IARS2: variants seen among roughly 807,000 people sequenced by gnomAD.
IARS2 encodes isoleucine--tRNA ligase, mitochondrial.
IARS2 carries 56 observed loss-of-function variants against 126.3 expected under a neutral mutation model. That is an observed-to-expected ratio of 0.44 (90% CI 0.36 to 0.55). The LOEUF (loss-of-function observed/expected upper bound fraction) is 0.55, where lower values mean the gene tolerates loss of function less well. IARS2 is among the 20% of genes least tolerant of loss of function. IARS2 has a pLI of 0.00. For synonymous variants in IARS2, 407 were observed against 441.1 expected, an observed-to-expected ratio of 0.92 and a Z score of 0.97; for missense variants, 1,127 against 1,245.9, an observed-to-expected ratio of 0.90 and a Z score of 1.44.
chr1:220,140,393 G>A (rs1213751909), intron 19 of IARS2, 104 bp downstream of exon 19: 1 of 689,208 alleles, frequency 1.5e-6, no homozygotes, highest in South Asian at 1.7e-5. Flanking sequence ...ATGACATGAG[G>A]CCAGGAGTTC....
chr1:220,112,521 C>T (rs765313242), intron 11 of IARS2, among the ~76,000 whole-genome samples: 2 of 150,224 alleles, frequency 1.3e-5, no homozygotes, highest in East Asian at 3.9e-4. Context: ...ATTGTCCCGG[C>T]GATATTTTAG....
chr1:220,144,238 A>G, intron 21 of IARS2: 1 of 768,478 alleles, frequency 1.3e-6, no homozygotes, highest in Non-Finnish European at 2.4e-6. Flanking sequence ...CATCACGGTG[A>G]GAAACAGGAT....
rs138270573 is a variant in IARS2, at chr1:220,146,704, G to A, written c.2897-789G>A. Reference sequence around the variant, plus strand: ...AATTTTTTCTTTCGGACGGAATTTCGCTTGTCACCCAGGCTGGAGTGCAAT... The same window carrying A: ...AATTTTTTCTTTCGGACGGAATTTCACTTGTCACCCAGGCTGGAGTGCAAT... On this transcript the variant is annotated intron_variant, in intron 22 of 22. Transcript: ENST00000366922. Among the ~76,000 whole-genome samples, 1,321 of 152,024 alleles carry A rather than the reference G, an allele frequency of 8.7e-3. 14 individuals carry two copies. Among genetic ancestry groups the A allele is most frequent in the Middle Eastern group, 0.014 (4 of 294 alleles).
At chr1:220,140,156 C>A in intron 18 of IARS2, 27 bp from the exon 19 acceptor site, 1 of 1,371,860 alleles carries the variant, frequency 7.3e-7, no homozygotes, top group Non-Finnish European at 1.0e-6. Flanking sequence ...TCTCAGCTTC[C>A]AAATTTATTT....
intron 13 of IARS2, among the ~76,000 whole-genome samples, chr1:220,126,026 G>C (rs923995088): frequency 2.0e-5 from 3 of 150,432 alleles, no homozygotes; most frequent in Non-Finnish European, 4.4e-5. Context: ...AGAATGGCCT[G>C]AACCCGGGAG....
chr1:220,110,559 T>G (rs1209773140), intron 10 of IARS2, among the ~76,000 whole-genome samples: 3 of 152,082 alleles, frequency 2.0e-5, no homozygotes, highest in African/African-American at 4.8e-5. Flanking sequence ...AGAGACGAGG[T>G]TTCACCATGT....
chr1:220,108,620 C>T (rs918057893), intron 10 of IARS2, among the ~76,000 whole-genome samples: 9 of 152,084 alleles, frequency 5.9e-5, no homozygotes, highest in South Asian at 2.1e-4. Context: ...CTCCTGACCT[C>T]GTGATCCACC....
At chr1:220,104,000 G>A (rs1433001974) in intron 8 of IARS2, among the ~76,000 whole-genome samples, 2 of 152,236 alleles carry the variant, frequency 1.3e-5, no homozygotes, top group Middle Eastern at 3.4e-3. Flanking sequence ...AAAGAGACAG[G>A]GTCTCATGCT....
At chr1:220,096,081 T>G in intron 1 of IARS2, 23 bp from the exon 2 acceptor site, 4 of 1,305,412 alleles carry the variant, frequency 3.1e-6, no homozygotes, top group Non-Finnish European at 4.3e-6. Flanking sequence ...GATGTTTAGA[T>G]ATCTTTTTTT....
chr1:220,132,949 T>G (rs1349983889), intron 14 of IARS2, among the ~76,000 whole-genome samples: 1 of 152,208 alleles, frequency 6.6e-6, no homozygotes, highest in Non-Finnish European at 1.5e-5. Context: ...CAGACTTTCC[T>G]GGCTGCACAG....
At chr1:220,114,240 A>G in intron 11 of IARS2, 74 bp from the exon 12 acceptor site, 13 of 1,338,956 alleles carry the variant, frequency 9.7e-6, no homozygotes, top group Non-Finnish European at 1.3e-5. Context: ...AAACAAATGC[A>G]TTTGGAAAAT....
At chr1:220,103,011 C>T (rs1247600901) in intron 7 of IARS2, among the ~76,000 whole-genome samples, 1 of 151,588 alleles carries the variant, frequency 6.6e-6, no homozygotes, top group Non-Finnish European at 1.5e-5. Context: ...GAAAATAGTA[C>T]AGTTTGATCT....
In IARS2 at chr1:220,147,806, T is replaced by TAGAA. The variant is rs561747780; in HGVS notation, c.*176_*179dup. 1.6e-6 allele frequency: 1 copy of TAGAA among 623,528 alleles called. No homozygotes were observed. Among genetic ancestry groups the TAGAA allele is most frequent in the South Asian group, 2.1e-5 (1 of 46,726 alleles). The allele number at this position is 623,528 out of a possible 1,614,324, so 38.6% of individuals were successfully genotyped here. A position where few individuals can be genotyped will look rare whatever the true frequency, so the allele number is the denominator to read the frequency against. On this transcript the variant is annotated 3_prime_UTR_variant, in exon 23 of 23. Coordinates refer to ENST00000366922, the MANE Select transcript of IARS2 (RefSeq NM_018060.4). ...ATAGAAGAAGTATTTCCTGTAACTA[T>TAGAA]AGAAAGAATTATGTATATATACATG...
intron 9 of IARS2, 81 bp downstream of exon 9, chr1:220,106,141 T>A (rs572455053): frequency 1.1e-4 from 134 of 1,219,006 alleles, no homozygotes; most frequent in African/African-American, 7.8e-4. Flanking sequence ...CTTCATTTTT[T>A]AAAAATGATG....
At chr1:220,120,067 A>G (rs1291142501) in intron 12 of IARS2, among the ~76,000 whole-genome samples, 2 of 148,912 alleles carry the variant, frequency 1.3e-5, no homozygotes, top group Admixed American at 6.7e-5. Context: ...TTTGTTTTCA[A>G]AGCTCTCTGT....
At chr1:220,111,175 G>C (rs1656792481) in intron 11 of IARS2, among the ~76,000 whole-genome samples, 1 of 152,194 alleles carries the variant, frequency 6.6e-6, no homozygotes, top group Non-Finnish European at 1.5e-5. Flanking sequence ...CACACTGTTA[G>C]TAGATAGACT....
At chr1:220,125,016 G>A (rs565243063) in intron 12 of IARS2, among the ~76,000 whole-genome samples, 3 of 152,288 alleles carry the variant, frequency 2.0e-5, no homozygotes, top group East Asian at 1.9e-4. Flanking sequence ...AAATAGATGA[G>A]TAAGAAATAG....
intron 17 of IARS2, among the ~76,000 whole-genome samples, chr1:220,138,659 G>A (rs1262311142): frequency 6.6e-6 from 1 of 151,546 alleles, no homozygotes; most frequent in African/African-American, 2.4e-5. Flanking sequence ...ATTTTTCCAT[G>A]TATCTTTATT....
intron 12 of IARS2, among the ~76,000 whole-genome samples, chr1:220,122,548 C>A (rs1657070932): frequency 6.6e-6 from 1 of 152,184 alleles, no homozygotes; most frequent in African/African-American, 2.4e-5. Flanking sequence ...TTAGGAAACA[C>A]AAATTCAAGC....
Sources: gnomAD v4.1 joint callset for allele counts (sites outside exome capture counted in the v4.1 genomes callset) on GRCh38, gnomAD v4.1.1 for gene constraint, MANE v1.5 for transcripts, NCBI Gene and HGNC (gene_info 2026-07-23, HGNC 2026-07-21) for gene names.